Variants in ITGA5 observed in about 807,000 individuals in gnomAD.
The protein encoded by ITGA5 is integrin alpha-5.
A neutral mutation model predicts 146.3 loss-of-function variants in ITGA5; 55 were observed. That is an observed-to-expected ratio of 0.38 (90% CI 0.30 to 0.47). ITGA5 has a LOEUF of 0.47. ITGA5 is among the 20% of genes least tolerant of loss of function. The pLI, the probability that ITGA5 is intolerant of heterozygous loss-of-function variation, is 0.99. For missense variants in ITGA5, 1,131 were observed against 1,329.0 expected (o/e 0.85, Z 2.32); for synonymous variants, 500 against 531.8 (o/e 0.94, Z 0.82).
chr12:54,407,918 G>A (rs763427682), intron 7 of ITGA5, 42 bp from the exon 8 acceptor site: 3 of 1,553,734 alleles, frequency 1.9e-6, no homozygotes, highest in East Asian at 2.3e-5. Flanking sequence ...CCTGCTTTGA[G>A]GACCCCTCTG....
In ITGA5 at chr12:54,401,328, C is replaced by T. The variant is rs745404607; in HGVS notation, c.2493+45G>A. On this transcript the variant is annotated intron_variant, in intron 24 of 29. Transcript: ENST00000293379. This position sits in a 1 kb window ranked among gnomAD's most constrained non-coding sequence, Gnocchi z 5.0. ...AGCCATCTGTCACTCATATTAGCTC[C>T]TCCTTTCCCATCATTCATTCTGGCC... 3.6e-6 allele frequency: 5 copies of T among 1,374,716 alleles called. No individual in the cohort carries two copies. The South Asian group carries it at 4.6e-5, about 13-fold the overall frequency. 85.2% of individuals were successfully genotyped at this position (1,374,716 alleles called of 1,614,324 possible).
chr12:54,402,878 C>A (rs2120500429), intron 19 of ITGA5, 105 bp downstream of exon 19: 1 of 834,510 alleles, frequency 1.2e-6, no homozygotes. Flanking sequence ...AAGCTCAGAG[C>A]AGCTCAGCAA....
rs773543346 is a variant in ITGA5 at position 54,419,094 on chromosome 12, C to T, written c.105G>A (p.Pro35=). 1 of 1,587,666 alleles carries T rather than the reference C, an allele frequency of 6.3e-7. No homozygotes were observed. The highest frequency in any genetic ancestry group is 8.5e-7 in the Non-Finnish European group (1 of 1,170,076). ...LLPLLLLLLP[P]PPRVGGFNLD... The stretch of plus-strand genomic sequence containing the variant: ...AGTTGAAGCCCCCGACCCTGGGTGG[C>T]GGCGGCAGCAGCAGCAACAGCAGCG... The change falls in exon 1 of 30, where the codon CCG becomes CCA. Residue 35 remains proline (P), a synonymous_variant. Coordinates refer to ENST00000293379, the MANE Select transcript of ITGA5 (RefSeq NM_002205.5).
Position 54,399,935 on chromosome 12 carries a change from C to G in ITGA5, c.2656G>C (p.Gly886Arg), listed in dbSNP as rs186738212. 346 of 1,613,864 alleles carry G rather than the reference C, an allele frequency of 2.1e-4. No homozygotes were observed. Among genetic ancestry groups the G allele is most frequent in the Admixed American group, 5.3e-4 (32 of 60,026 alleles). Residue 886 changes from glycine (G) to arginine (R), a missense_variant, in exon 26 of 30, where the codon GGT becomes CGT. This residue lies in a region of ITGA5 where 889 missense variants were observed against 1,021.5 expected (regional missense o/e 0.87). Transcript: ENST00000293379. ...NPKGLELDPE[G>R]SLHHQQKREA... ...CGTTTTTGCTGGTGGTGCAGGGAAC[C>G]CTCGGGATCCAACTATAAAAGAAAG... is the stretch of plus-strand genomic sequence containing the variant.
intron 1 of ITGA5, among the ~76,000 whole-genome samples, chr12:54,414,259 TGCAA>T (rs1357288167): frequency 2.6e-5 from 4 of 152,212 alleles, no homozygotes; most frequent in African/African-American, 9.6e-5. Flanking sequence ...ATGGATGGCA[TGCAA>T]GCTAGTTTGT....
chr12:54,400,305 T>C (rs906811544), intron 25 of ITGA5: 2 of 251,440 alleles, frequency 8.0e-6, no homozygotes, highest in African/African-American at 4.4e-5. Context: ...GGTTTTTCTA[T>C]GATCCAATTT....
chr12:54,412,385 T>C (rs1162813462), intron 1 of ITGA5: 1 of 154,332 alleles, frequency 6.5e-6, no homozygotes, highest in African/African-American at 2.4e-5. Context: ...CTAGCCTATA[T>C]ACTCTCCTCC....
intron 2 of ITGA5, among the ~76,000 whole-genome samples, chr12:54,410,552 A>AT (rs576869414): frequency 0.026 from 3,593 of 139,288 alleles, 93 homozygotes; most frequent in South Asian, 0.091. Flanking sequence ...GTTTATTTTA[A>AT]TTTTTTTTTT....
At chr12:54,410,915 C>T (rs763337807) in intron 2 of ITGA5, among the ~76,000 whole-genome samples, 6 of 152,016 alleles carry the variant, frequency 3.9e-5, no homozygotes, top group South Asian at 2.1e-4. Flanking sequence ...TCAGTAGAGA[C>T]GGGGTTTTGC....
intron 2 of ITGA5, 45 bp downstream of exon 2, chr12:54,411,789 C>T (rs779892356): frequency 2.8e-6 from 4 of 1,408,552 alleles, no homozygotes; most frequent in African/African-American, 1.5e-5. Context: ...TGCCCCCAGG[C>T]TGCAGTCCCA....
Position 54,401,396 on chromosome 12 carries a change from G to A in ITGA5, c.2470C>T (p.Pro824Ser). The change falls in exon 24 of 30, where the codon CCT becomes TCT. Residue 824 changes from proline to serine, a missense_variant. Physicochemically the swap from Pro to Ser is moderately conservative, Grantham distance 74. This residue lies in a region of ITGA5 where 889 missense variants were observed against 1,021.5 expected (regional missense o/e 0.87). Transcript: ENST00000293379. This position sits in a 1 kb window ranked among gnomAD's most constrained non-coding sequence, Gnocchi z 5.0. Reference sequence around the variant, plus strand: ...ACCTCATAGACATGGTGGACAGCAGGTCCCAGGTCCTCCTCCTTCTGAGGC... The same window carrying A: ...ACCTCATAGACATGGTGGACAGCAGATCCCAGGTCCTCCTCCTTCTGAGGC... ...DQPQKEEDLG[P>S]AVHHVYELIN... 1 of 1,612,828 alleles carries A rather than the reference G, an allele frequency of 6.2e-7. No homozygotes were observed. The highest frequency in any genetic ancestry group is 1.3e-5 in the African/African-American group (1 of 74,816).
chr12:54,403,477 C>T lies in ITGA5; in HGVS notation c.1776+148G>A. The T allele has an allele frequency of 7.1e-6, 9 of 1,275,256 alleles. No individual in the cohort carries two copies. Among genetic ancestry groups the T allele is most frequent in the Non-Finnish European group, 9.7e-6 (9 of 929,390 alleles). 79.0% of individuals were successfully genotyped at this position (1,275,256 alleles called of 1,614,324 possible). On this transcript the variant is annotated intron_variant, in intron 17 of 29. Transcript: ENST00000293379. This position sits in a 1 kb window ranked among gnomAD's most constrained non-coding sequence, Gnocchi z 4.9. Reference sequence around the variant, plus strand: ...GCCCTGGCAGCCTGCTTCCCAGCTCCTCTGACAGAAGGTCTCCCTTTCTCA... The same window carrying T: ...GCCCTGGCAGCCTGCTTCCCAGCTCTTCTGACAGAAGGTCTCCCTTTCTCA...
In ITGA5 at chr12:54,404,730, G is replaced by A. The variant is rs1955838801; in HGVS notation, c.1390C>T (p.Arg464Ter). 2 of 1,613,922 alleles carry A rather than the reference G, an allele frequency of 1.2e-6. No individual in the cohort carries two copies. The highest frequency in any genetic ancestry group is 1.3e-5 in the African/African-American group (1 of 74,920). Residue 464 changes from arginine to a stop codon, truncating the protein, a stop_gained, in exon 13 of 30, where the codon CGA becomes TGA. Transcript: ENST00000293379. LOFTEE classifies it high-confidence loss of function. ...DFFGSALRGG[R>*]DLDGNGYPDL... ...GGATATCCATTGCCATCCAGGTCTC[G>A]GCCTCCTCGAAGGGCAGAGCCAAAG...
chr12:54,402,348 G>C lies in ITGA5; in HGVS notation c.1983-18C>G. On this transcript the variant is annotated intron_variant, in intron 19 of 29. Coordinates refer to ENST00000293379, the MANE Select transcript of ITGA5 (RefSeq NM_002205.5). ...TCTGCTCCCTGGAAGGGACACAGAG[G>C]GTAAGGGACATTGGTGAATTAATCC... is the stretch of plus-strand genomic sequence containing the variant. 1 of 1,596,488 alleles carries C rather than the reference G, an allele frequency of 6.3e-7. No homozygotes were observed. The highest frequency in any genetic ancestry group is 8.6e-7 in the Non-Finnish European group (1 of 1,169,534).
Position 54,405,938 on chromosome 12 carries a change from A to G in ITGA5, c.907-12T>C, listed in dbSNP as rs1191129905. On this transcript the variant is annotated splice_polypyrimidine_tract_variant and intron_variant, in intron 9 of 29. Coordinates refer to ENST00000293379, the MANE Select transcript of ITGA5 (RefSeq NM_002205.5). ...TTAAGGATGGTGACCTGGGAGATGA[A>G]GAGATAGGCCCATTGGTCCTGGACT... 1 of 1,612,262 alleles carries G rather than the reference A, an allele frequency of 6.2e-7. No homozygotes were observed. Among genetic ancestry groups the G allele is most frequent in the Admixed American group, 1.7e-5 (1 of 60,014 alleles).
Position 54,403,576 on chromosome 12 carries a change from G to A in ITGA5, c.1776+49C>T. ...CCCTTCAGGAGGTGCCCTCAGTTCT[G>A]TGTGGCCACCCTCCCTGGCCAGTCC... On this transcript the variant is annotated intron_variant, in intron 17 of 29. Transcript: ENST00000293379. The surrounding 1 kb of genome is among the most constrained non-coding windows in gnomAD (Gnocchi z 4.9). The A allele has an allele frequency of 6.3e-7, 1 of 1,575,896 alleles. No homozygotes were observed. The highest frequency in any genetic ancestry group is 1.1e-5 in the South Asian group (1 of 87,506).
chr12:54,407,100 G>A (rs1402309325), intron 9 of ITGA5, among the ~76,000 whole-genome samples: 2 of 152,202 alleles, frequency 1.3e-5, no homozygotes, highest in African/African-American at 4.8e-5. Flanking sequence ...AATAGATAGT[G>A]CCTGATGCAC....
At position 54,396,147 on chromosome 12, in the gene ITGA5, G is replaced by C. The variant is rs896053421; in HGVS notation, c.*146C>G. 11 of 637,934 alleles carry C rather than the reference G, an allele frequency of 1.7e-5. No homozygotes were observed. The African/African-American group carries it at 2.0e-4, about 12-fold the overall frequency. 39.5% of individuals were successfully genotyped at this position (637,934 alleles called of 1,614,324 possible). ...CCCAGCTCCTCACCCCCCTGGCTCT[G>C]GCCCTTCAAGTATGTCTCTGGGCTG... is the stretch of plus-strand genomic sequence containing the variant. On this transcript the variant is annotated 3_prime_UTR_variant, in exon 30 of 30. Transcript: ENST00000293379.
chr12:54,411,821 TTC>T lies in ITGA5; in HGVS notation c.349+11_349+12del. 6.7e-7 allele frequency: 1 copy of T among 1,484,832 alleles called. No homozygotes were observed. Among genetic ancestry groups the T allele is most frequent in the East Asian group, 2.6e-5 (1 of 38,220 alleles). The allele number at this position is 1,484,832 out of a possible 1,614,324, so 92.0% of individuals were successfully genotyped here. ...CCCACCCCCCAGTCCCTCCCTGAAT[TTC>T]ACTGGCCTACCTTTGCTGTCAAATT... is the stretch of plus-strand genomic sequence containing the variant. On this transcript the variant is annotated intron_variant, in intron 2 of 29. Coordinates refer to ENST00000293379, the MANE Select transcript of ITGA5 (RefSeq NM_002205.5).
Sources: allele counts gnomAD v4.1 joint callset (sites outside exome capture counted in the v4.1 genomes callset), GRCh38; gene constraint gnomAD v4.1.1; regional missense constraint gnomAD v4.1.1; non-coding constraint Gnocchi (gnomAD v3.1); transcripts MANE v1.5; gene names NCBI Gene and HGNC (gene_info 2026-07-23, HGNC 2026-07-21).